The following SAMD12 variants were observed in gnomAD, a reference collection of about 807,000 sequenced individuals.
The protein encoded by SAMD12 is sterile alpha motif domain containing 12, also known as sterile alpha motif domain-containing protein 12.
In SAMD12, 9 loss-of-function variants were observed where a neutral mutation model predicts 15.0. That is an observed-to-expected ratio of 0.60 (90% CI 0.36 to 1.05). The LOEUF is 1.05. Ranked by LOEUF, SAMD12 falls within the 50% of genes least tolerant of loss-of-function variation. SAMD12 has a pLI of 0.01. For synonymous variants in SAMD12, 86 were observed against 90.1 expected (o/e 0.96, Z 0.25); for missense variants, 230 against 234.2 (o/e 0.98, Z 0.12).
intron 2 of SAMD12, among the ~76,000 whole-genome samples, chr8:118,533,146 TC>T (rs1326275574): frequency 6.6e-6 from 1 of 152,244 alleles, no homozygotes; most frequent in Admixed American, 6.5e-5. Flanking sequence ...GTGTCTTTGT[TC>T]TCGTTGGTTT....
chr8:118,180,477 G>A, the SAMD12 span, among the ~76,000 whole-genome samples: 7 of 152,044 alleles, frequency 4.6e-5, no homozygotes, highest in Admixed American at 2.0e-4. Flanking sequence ...TTGCAGTTAG[G>A]CAGAGAAATG....
At chr8:118,395,980 T>C (rs1820547403) in intron 3 of SAMD12, among the ~76,000 whole-genome samples, 1 of 151,990 alleles carries the variant, frequency 6.6e-6, no homozygotes, top group South Asian at 2.1e-4. Context: ...AAAGAGAAAG[T>C]TGAAGAAAAA....
intron 2 of SAMD12, among the ~76,000 whole-genome samples, chr8:118,570,120 C>T (rs1231822750): frequency 6.6e-6 from 1 of 152,158 alleles, no homozygotes; most frequent in Non-Finnish European, 1.5e-5. Flanking sequence ...CTGAATAGAG[C>T]TTGCAGAGGA....
At chr8:118,147,041 T>C in the SAMD12 span, among the ~76,000 whole-genome samples, 1 of 151,912 alleles carries the variant, frequency 6.6e-6, no homozygotes, top group Non-Finnish European at 1.5e-5. Flanking sequence ...CTTTTTTTTT[T>C]TGAGACAGAG....
chr8:118,442,930 G>C (rs1822803096), intron 2 of SAMD12, among the ~76,000 whole-genome samples: 1 of 152,184 alleles, frequency 6.6e-6, no homozygotes, highest in African/African-American at 2.4e-5. Context: ...CTGGGAAAGG[G>C]AGGACGCTCA....
intron 1 of SAMD12, among the ~76,000 whole-genome samples, chr8:118,615,368 T>G (rs1186585729): frequency 1.3e-5 from 2 of 152,252 alleles, no homozygotes; most frequent in African/African-American, 4.8e-5. Context: ...TCTAATCTGC[T>G]TCTCTTGTCT....
chr8:118,167,676 C>T, the SAMD12 span, among the ~76,000 whole-genome samples: 6 of 152,130 alleles, frequency 3.9e-5, no homozygotes, highest in Non-Finnish European at 1.5e-5. Context: ...CCTCCCTTTG[C>T]TGACAGCAGC....
chr8:118,515,485 A>G (rs1825216542), intron 2 of SAMD12, among the ~76,000 whole-genome samples: 1 of 152,064 alleles, frequency 6.6e-6, no homozygotes, highest in Admixed American at 6.5e-5. Context: ...ACCCAGTTTC[A>G]GGTATTTATT....
At chr8:118,283,659 C>T (rs1368515911) in intron 4 of SAMD12, among the ~76,000 whole-genome samples, 1 of 152,182 alleles carries the variant, frequency 6.6e-6, no homozygotes, top group Admixed American at 6.5e-5. Flanking sequence ...GAGATCCATC[C>T]TGGGATCTGG....
At chr8:118,616,975 C>T (rs1365148200) in intron 1 of SAMD12, among the ~76,000 whole-genome samples, 1 of 152,180 alleles carries the variant, frequency 6.6e-6, no homozygotes, top group African/African-American at 2.4e-5. Flanking sequence ...ATCCCAAAAC[C>T]ATCCCCCATG....
chr8:118,523,318 T>G (rs1421999724), intron 2 of SAMD12, among the ~76,000 whole-genome samples: 2 of 152,138 alleles, frequency 1.3e-5, no homozygotes, highest in African/African-American at 4.8e-5. Context: ...GGTCCAGACT[T>G]AAAATAGCCC....
chr8:118,601,080 AC>A (rs1827853885), intron 1 of SAMD12, among the ~76,000 whole-genome samples: 1 of 152,184 alleles, frequency 6.6e-6, no homozygotes, highest in African/African-American at 2.4e-5. Context: ...CAAAAACCAT[AC>A]AAAAAGAAAA....
At chr8:118,582,354 T>A (rs1028796049) in intron 1 of SAMD12, among the ~76,000 whole-genome samples, 2 of 152,144 alleles carry the variant, frequency 1.3e-5, no homozygotes, top group African/African-American at 4.8e-5. Context: ...CACTCTATGA[T>A]CCATCACTTT....
intron 2 of SAMD12, among the ~76,000 whole-genome samples, chr8:118,512,638 T>A (rs538762950): frequency 1.3e-5 from 2 of 152,306 alleles, no homozygotes; most frequent in South Asian, 4.1e-4. Context: ...CATTACTTAG[T>A]CCCACTCATT....
chr8:118,569,723 G>T (rs138098840), intron 2 of SAMD12, among the ~76,000 whole-genome samples: 273 of 152,280 alleles, frequency 1.8e-3, no homozygotes, highest in African/African-American at 6.4e-3. Context: ...CTGCAAGACA[G>T]AAAGAGCATC....
chr8:118,544,543 T>C (rs1826071143), intron 2 of SAMD12, among the ~76,000 whole-genome samples: 1 of 152,188 alleles, frequency 6.6e-6, no homozygotes, highest in African/African-American at 2.4e-5. Flanking sequence ...TCAAAGAGTG[T>C]ACACGGTTGC....
At chr8:118,171,728 ATT>A in the SAMD12 span, among the ~76,000 whole-genome samples, 65,944 of 135,970 alleles carry the variant, frequency 0.48, 18,343 homozygotes, top group Non-Finnish European at 0.63. Context: ...TGGGTACAGG[ATT>A]TTTTTTTTTT....
chr8:118,268,334 T>C (rs1174952282), intron 4 of SAMD12, among the ~76,000 whole-genome samples: 1 of 152,234 alleles, frequency 6.6e-6, no homozygotes, highest in Non-Finnish European at 1.5e-5. Context: ...TCTTCAGCAC[T>C]GACTATTTAA....
chr8:118,361,355 T>C (rs1818489484), intron 4 of SAMD12, among the ~76,000 whole-genome samples: 1 of 152,212 alleles, frequency 6.6e-6, no homozygotes. Flanking sequence ...TGTTCATCAC[T>C]GATTCCCACT....
Sources: allele counts gnomAD v4.1 joint callset (sites outside exome capture counted in the v4.1 genomes callset), GRCh38; gene constraint gnomAD v4.1.1; transcripts MANE v1.5; gene names NCBI Gene and HGNC (gene_info 2026-07-23, HGNC 2026-07-21).